Variants in ALDH1L1 observed in about 807,000 individuals in gnomAD.
The protein encoded by ALDH1L1 is aldehyde dehydrogenase 1 family member L1.
ALDH1L1 carries 68 observed loss-of-function variants against 101.1 expected under a neutral mutation model. That is an observed-to-expected ratio of 0.67 (90% CI 0.55 to 0.82). The LOEUF is 0.82. Among genes scored for constraint, ALDH1L1 ranks in the 40% least tolerant of loss-of-function variants. The probability of loss-of-function intolerance (pLI) is 0.00; values close to 1 mark genes in which losing one functional copy is unlikely to be tolerated. For missense variants in ALDH1L1, 1,087 were observed against 1,172.7 expected, an observed-to-expected ratio of 0.93 and a Z score of 1.07; for synonymous variants, 486 against 470.8, an observed-to-expected ratio of 1.03 and a Z score of -0.42.
Position 126,137,858 on chromosome 3 carries a change from C to G in ALDH1L1, c.1179G>C (p.Arg393Ser). ...CCTCCTCATCGTCCCCTCGCAGCTT[C>G]CTCACTAACAGCTGGATGAAGTCCC... ...TFGDFIQLLV[R>S]KLRGDDEEGE... The change falls in exon 10 of 23, where the codon AGG (arginine) becomes AGC (serine). Residue 393 changes from arginine (R) to serine (S), a missense_variant. Physicochemically the swap from Arg to Ser is moderately radical, Grantham distance 110. This residue lies in a region of ALDH1L1 where 645 missense variants were observed against 637.0 expected (regional missense o/e 1.01). Transcript: ENST00000393434. 1 of 1,614,238 alleles carries G rather than the reference C, an allele frequency of 6.2e-7. No homozygotes were observed. The highest frequency in any genetic ancestry group is 2.2e-5 in the East Asian group (1 of 44,886).
upstream of ALDH1L1, among the ~76,000 whole-genome samples, chr3:126,185,852 T>G (rs991446833): frequency 5.3e-5 from 8 of 152,212 alleles, no homozygotes; most frequent in African/African-American, 1.9e-4. Flanking sequence ...GGAGTATTAT[T>G]CAGACTTAAA....
At chr3:126,136,131 C>T (rs887106111) in intron 11 of ALDH1L1, among the ~76,000 whole-genome samples, 2 of 152,220 alleles carry the variant, frequency 1.3e-5, no homozygotes, top group Non-Finnish European at 1.5e-5. Context: ...CCCCCTCCCT[C>T]TCCCTTTGCA....
In ALDH1L1 at chr3:126,150,459, T is replaced by C; in HGVS notation, c.931A>G (p.Ser311Gly). ...LASNFFKGAA[S>G]SVLELTEAEL... Reference sequence around the variant, plus strand: ...GCCTCTGTCAGCTCAAGGACACTGCTGGCTGCCCCCTTAAAGAAGTTCGAG... The same window carrying C: ...GCCTCTGTCAGCTCAAGGACACTGCCGGCTGCCCCCTTAAAGAAGTTCGAG... Residue 311 changes from serine to glycine, a missense_variant, in exon 8 of 23, where the codon AGC becomes GGC. By Grantham distance (56) the Ser-to-Gly change is moderately conservative. Transcript: ENST00000393434. 2 of 1,551,646 alleles carry C rather than the reference T, an allele frequency of 1.3e-6. No individual in the cohort carries two copies. Among genetic ancestry groups the C allele is most frequent in the Non-Finnish European group, 1.7e-6 (2 of 1,146,968 alleles).
At chr3:126,196,892 G>A (rs1000050284) in intron 1 of ALDH1L1, among the ~76,000 whole-genome samples, 1 of 152,184 alleles carries the variant, frequency 6.6e-6, no homozygotes, top group African/African-American at 2.4e-5. Flanking sequence ...ATACTGGGCA[G>A]TCTCCATCGC....
chr3:126,157,477 AC>A lies in ALDH1L1; in HGVS notation c.393del (p.Ser133ProfsTer28), dbSNP rs1576470755. On this transcript the variant is annotated frameshift_variant, in exon 4 of 23. Coordinates refer to ENST00000393434, the MANE Select transcript of ALDH1L1 (RefSeq NM_012190.4). LOFTEE classifies it high-confidence loss of function. ...WTLIHGDKKG[G>X]FSIFWADDGL... ...CCATCATCCGCCCAGAAGATGGAAA[AC>A]CCCCCTTTCTTATCTCCGTGAATGA... 3 of 1,613,144 alleles carry A rather than the reference AC, an allele frequency of 1.9e-6. No homozygotes were observed. Among genetic ancestry groups the A allele is most frequent in the South Asian group, 1.1e-5 (1 of 90,988 alleles).
At chr3:126,104,079 A>C in intron 22 of ALDH1L1, 1 of 583,914 alleles carries the variant, frequency 1.7e-6, no homozygotes, top group Non-Finnish European at 3.1e-6. Context: ...CCATTTAAGA[A>C]TCTTCCCCAG....
chr3:126,154,484 G>A, intron 6 of ALDH1L1, 70 bp downstream of exon 6: 2 of 1,462,574 alleles, frequency 1.4e-6, no homozygotes, highest in Non-Finnish European at 1.9e-6. Flanking sequence ...GTTCAAACAT[G>A]TGTGACAGTT....
At chr3:126,105,538 C>T (rs1473195644) in intron 22 of ALDH1L1, 188 bp downstream of exon 22, 1 of 689,538 alleles carries the variant, frequency 1.5e-6, no homozygotes, top group Admixed American at 2.1e-5. Flanking sequence ...CCCAGCACGA[C>T]CCCCCTCTGC....
chr3:126,127,630 T>C (rs2080216989), intron 14 of ALDH1L1, among the ~76,000 whole-genome samples: 1 of 152,070 alleles, frequency 6.6e-6, no homozygotes, highest in African/African-American at 2.4e-5. Flanking sequence ...GCTGAAGACA[T>C]GAGGGGAAGG....
At chr3:126,123,942 A>G (rs1054707179) in intron 16 of ALDH1L1, among the ~76,000 whole-genome samples, 28 of 152,216 alleles carry the variant, frequency 1.8e-4, no homozygotes, top group African/African-American at 6.8e-4. Flanking sequence ...AATCTGCACA[A>G]GAAGAGACTT....
At chr3:126,163,330 A>C (rs983057678) in intron 1 of ALDH1L1, among the ~76,000 whole-genome samples, 4 of 152,188 alleles carry the variant, frequency 2.6e-5, no homozygotes, top group Non-Finnish European at 4.4e-5. Context: ...TTCACATATA[A>C]ATTTTCATAC....
chr3:126,150,706 C>A, intron 7 of ALDH1L1, 175 bp from the exon 8 acceptor site: 1 of 633,904 alleles, frequency 1.6e-6, no homozygotes, highest in South Asian at 2.0e-5. Flanking sequence ...CAGGCGCGCA[C>A]CACCATGCCC....
chr3:126,180,898 A>G, upstream of ALDH1L1: 2 of 1,594,364 alleles, frequency 1.3e-6, no homozygotes, highest in Non-Finnish European at 1.7e-6. Context: ...GTCAGAGGAG[A>G]CCCTCGCCAA....
chr3:126,121,952 G>C (rs930935679), intron 16 of ALDH1L1, among the ~76,000 whole-genome samples: 5 of 152,168 alleles, frequency 3.3e-5, no homozygotes, highest in Non-Finnish European at 5.9e-5. Flanking sequence ...CCTCCACCCA[G>C]ACCGCACTCA....
rs748149781 is a variant in ALDH1L1 at position 126,130,263 on chromosome 3, G to C, written c.1654C>G (p.Pro552Ala). The change falls in exon 14 of 23, where the codon CCC (proline) becomes GCC (alanine). Residue 552 changes from proline (P) to alanine (A), a missense_variant. This residue lies in a region of ALDH1L1 where 442 missense variants were observed against 535.7 expected (regional missense o/e 0.83). Coordinates refer to ENST00000393434, the MANE Select transcript of ALDH1L1 (RefSeq NM_012190.4). The part of the protein sequence containing the change: ...GSTIPINQAR[P>A]NRNLTLTRKE... ...CTGGTCAAGGTCAGGTTGCGGTTGG[G>C]TCTGGCCTGGTTGATGGGGATGGTG... 1 of 1,611,608 alleles carries C rather than the reference G, an allele frequency of 6.2e-7. No individual in the cohort carries two copies. Among genetic ancestry groups the C allele is most frequent in the Non-Finnish European group, 8.5e-7 (1 of 1,178,862 alleles).
At chr3:126,125,766 G>T in intron 14 of ALDH1L1, 45 bp from the exon 15 acceptor site, 2 of 1,373,510 alleles carry the variant, frequency 1.5e-6, no homozygotes, top group South Asian at 3.2e-5. Context: ...TCTCCACCAG[G>T]CCCACAGTGG....
chr3:126,137,790 T>G (rs773724482), intron 10 of ALDH1L1, 23 bp downstream of exon 10: 9 of 1,610,752 alleles, frequency 5.6e-6, no homozygotes, highest in Admixed American at 1.7e-5. Flanking sequence ...CAGGGCCTGC[T>G]GCAGGGAGGG....
chr3:126,116,398 G>A (rs2079972760), intron 17 of ALDH1L1, among the ~76,000 whole-genome samples: 1 of 151,954 alleles, frequency 6.6e-6, no homozygotes, highest in Non-Finnish European at 1.5e-5. Context: ...CACATGCCTG[G>A]TTATAGCATG....
In ALDH1L1 at chr3:126,137,883, C is replaced by T. The variant is rs567886270; in HGVS notation, c.1154G>A (p.Gly385Glu). 9 of 1,614,176 alleles carry T rather than the reference C, an allele frequency of 5.6e-6. No homozygotes were observed. In the South Asian group the frequency reaches 9.9e-5, roughly 18 times the overall value. The change falls in exon 10 of 23, where the codon GGG (glycine) becomes GAG (glutamate). Residue 385 changes from glycine to glutamate, a missense_variant. Coordinates refer to ENST00000393434, the MANE Select transcript of ALDH1L1 (RefSeq NM_012190.4). The part of the protein sequence containing the change: ...NEDVYMASTF[G>E]DFIQLLVRKL... ...CCTCACTAACAGCTGGATGAAGTCCCCAAAGGTGGATGCCATGTACACATC... is the reference window on the plus strand; with the variant it reads ...CCTCACTAACAGCTGGATGAAGTCCTCAAAGGTGGATGCCATGTACACATC...
Sources: gnomAD v4.1 joint callset for allele counts (sites outside exome capture counted in the v4.1 genomes callset) on GRCh38, gnomAD v4.1.1 for gene constraint, gnomAD v4.1.1 regional missense constraint, MANE v1.5 for transcripts, NCBI Gene and HGNC (gene_info 2026-07-23, HGNC 2026-07-21) for gene names.